SLITRK5: variants seen among roughly 807,000 people sequenced by gnomAD.
SLITRK5 encodes the protein SLIT and NTRK-like protein 5.
SLITRK5 carries 23 observed loss-of-function variants against 56.2 expected under a neutral mutation model. That is an observed-to-expected ratio of 0.41 (90% CI 0.29 to 0.58). The LOEUF (loss-of-function observed/expected upper bound fraction) is 0.58, where lower values mean the gene tolerates loss of function less well. Among genes scored for constraint, SLITRK5 ranks in the 20% least tolerant of loss-of-function variants. SLITRK5 has a pLI of 0.30. For missense variants in SLITRK5, 1,289 were observed against 1,226.6 expected, an observed-to-expected ratio of 1.05 and a Z score of -0.76; for synonymous variants, 637 against 531.8, an observed-to-expected ratio of 1.20 and a Z score of -2.72.
rs1363026378 is a variant in SLITRK5, at chr13:87,677,665, G to T, written c.2277G>T (p.Met759Ile). The T allele has an allele frequency of 6.2e-7, 1 of 1,606,568 alleles. No individual in the cohort carries two copies. The highest frequency in any genetic ancestry group is 1.7e-5 in the Admixed American group (1 of 59,802). ...ACATCCCCCACCCACTGGGCCACAT[G>T]TGCAAAAACCCCATCTACCGCTCCC... ...YEYIPHPLGHMCKNPIYRSRE... is the reference protein window; with the variant it reads ...YEYIPHPLGHICKNPIYRSRE... Residue 759 changes from methionine (M) to isoleucine (I), a missense_variant, in exon 2 of 2, where the codon ATG (methionine) becomes ATT (isoleucine). By Grantham distance (10) the Met-to-Ile change is conservative. Transcript: ENST00000683689. The surrounding 1 kb of genome is among the most constrained non-coding windows in gnomAD (Gnocchi z 4.7).
At chr13:87,674,465 T>C (rs1221793186) in intron 1 of SLITRK5, 1 of 944,694 alleles carries the variant, frequency 1.1e-6, no homozygotes, top group East Asian at 1.2e-4. Context: ...GGTAGGAACG[T>C]CCTTTTTAAA....
In SLITRK5 at chr13:87,676,813, G is replaced by A; in HGVS notation, c.1425G>A (p.Glu475=). 1 of 1,614,086 alleles carries A rather than the reference G, an allele frequency of 6.2e-7. No individual in the cohort carries two copies. The highest frequency in any genetic ancestry group is 8.5e-7 in the Non-Finnish European group (1 of 1,180,054). The change falls in exon 2 of 2, where the codon GAG becomes GAA. Residue 475 remains glutamate, a synonymous_variant. Transcript: ENST00000683689. The part of the protein sequence containing the change: ...NGNRIERLSP[E]LFYGLQSLQY... Reference sequence around the variant, plus strand: ...ACAGGATCGAGAGGCTGAGCCCGGAGTTATTCTATGGCCTGCAGAGCCTGC... The same window carrying A: ...ACAGGATCGAGAGGCTGAGCCCGGAATTATTCTATGGCCTGCAGAGCCTGC...
Position 87,677,132 on chromosome 13 carries a change from A to G in SLITRK5, c.1744A>G (p.Lys582Glu). 6.2e-7 allele frequency: 1 copy of G among 1,614,222 alleles called. No individual in the cohort carries two copies. Among genetic ancestry groups the G allele is most frequent in the Non-Finnish European group, 8.5e-7 (1 of 1,180,040 alleles). Residue 582 changes from lysine to glutamate, a missense_variant, in exon 2 of 2, where the codon AAA (lysine) becomes GAA (glutamate). Physicochemically the swap from Lys to Glu is moderately conservative, Grantham distance 56. Transcript: ENST00000683689. The surrounding 1 kb of genome is among the most constrained non-coding windows in gnomAD (Gnocchi z 4.7). ...VGMKLWVEQLKVGVLVDEVIC... is the reference protein window; with the variant it reads ...VGMKLWVEQLEVGVLVDEVIC... ...CATGAAGCTGTGGGTGGAGCAGCTC[A>G]AAGTGGGCGTCCTAGTGGACGAGGT...
chr13:87,671,811 G>C lies in SLITRK5; in HGVS notation c.-407G>C, dbSNP rs1025070184. The stretch of plus-strand genomic sequence containing the variant: ...TAGGGGCCGCGGCGGCGGCGGGCTC[G>C]GCGCGGAGACAGCGTCGGCGGGATC... On this transcript the variant is annotated 5_prime_UTR_variant, in exon 1 of 2. Coordinates refer to ENST00000683689, the MANE Select transcript of SLITRK5 (RefSeq NM_001384609.1). Among the ~76,000 whole-genome samples, 4 of 151,918 alleles carry C rather than the reference G, an allele frequency of 2.6e-5. No individual in the cohort carries two copies. Among genetic ancestry groups the C allele is most frequent in the Non-Finnish European group, 5.9e-5 (4 of 67,944 alleles).
At chr13:87,675,089 GGGA>G (rs938845172) in intron 1 of SLITRK5, among the ~76,000 whole-genome samples, 2 of 151,442 alleles carry the variant, frequency 1.3e-5, no homozygotes, top group African/African-American at 2.4e-5. Flanking sequence ...TGAAAAGGGG[GGGA>G]GAAGAGAAAA....
rs776493634 is a variant in SLITRK5 at position 87,677,153 on chromosome 13, G to C, written c.1765G>C (p.Glu589Gln). ...GCTCAAAGTGGGCGTCCTAGTGGAC[G>C]AGGTGATCTGTAAGGCGCCCAAAAA... ...EQLKVGVLVD[E>Q]VICKAPKKFA... Residue 589 changes from glutamate (E) to glutamine (Q), a missense_variant, in exon 2 of 2, where the codon GAG becomes CAG. Glu to Gln is a conservative substitution (Grantham distance 29). Around this residue, in one of 3 missense-constraint regions of SLITRK5, gnomAD observed 985 missense variants for 906.0 expected, o/e 1.09. Transcript: ENST00000683689. The surrounding 1 kb of genome is among the most constrained non-coding windows in gnomAD (Gnocchi z 4.7). 1 of 1,614,184 alleles carries C rather than the reference G, an allele frequency of 6.2e-7. No homozygotes were observed. Among genetic ancestry groups the C allele is most frequent in the South Asian group, 1.1e-5 (1 of 91,088 alleles).
chr13:87,673,625 C>A, intron 1 of SLITRK5: 1 of 759,926 alleles, frequency 1.3e-6, no homozygotes, highest in Non-Finnish European at 2.0e-6. Context: ...GCTTTTAAGC[C>A]GGGAGACGTT....
Position 87,675,491 on chromosome 13 carries a change from C to G in SLITRK5, c.103C>G (p.Leu35Val). The change falls in exon 2 of 2, where the codon CTT (leucine) becomes GTT (valine). Residue 35 changes from leucine (L) to valine (V), a missense_variant. This residue lies in a region of SLITRK5 where 291 missense variants were observed against 286.7 expected (regional missense o/e 1.02). Transcript: ENST00000683689. ...TLAFAVTSLVLSCAETIDYYG... is the reference protein window; with the variant it reads ...TLAFAVTSLVVSCAETIDYYG... The stretch of plus-strand genomic sequence containing the variant: ...AGCGTTTGCTGTAACATCTCTCGTC[C>G]TTTCGTGTGCAGAAACCATCGATTA... 6.2e-7 allele frequency: 1 copy of G among 1,614,178 alleles called. No homozygotes were observed. The highest frequency in any genetic ancestry group is 8.5e-7 in the Non-Finnish European group (1 of 1,180,016).
Position 87,677,107 on chromosome 13 carries a change from C to A in SLITRK5, c.1719C>A (p.Gly573=). ...NPWDCTCDIV[G]MKLWVEQLKV... ...GGGATTGTACCTGTGACATTGTGGG[C>A]ATGAAGCTGTGGGTGGAGCAGCTCA... The change falls in exon 2 of 2, where the codon GGC becomes GGA. Residue 573 remains glycine (G), a synonymous_variant. Coordinates refer to ENST00000683689, the MANE Select transcript of SLITRK5 (RefSeq NM_001384609.1). The surrounding 1 kb of genome is among the most constrained non-coding windows in gnomAD (Gnocchi z 4.7). 2 of 1,614,178 alleles carry A rather than the reference C, an allele frequency of 1.2e-6. No individual in the cohort carries two copies. The highest frequency in any genetic ancestry group is 2.2e-5 in the South Asian group (2 of 91,082).
rs2137949735 is a variant in SLITRK5 at position 87,679,025 on chromosome 13, T to C, written c.*760T>C. 1 of 167,050 alleles carries C rather than the reference T, an allele frequency of 6.0e-6. No individual in the cohort carries two copies. Among genetic ancestry groups the C allele is most frequent in the South Asian group, 2.1e-4 (1 of 4,826 alleles). The allele number at this position is 167,050 out of a possible 1,614,324, so 10.3% of individuals were successfully genotyped here. ...TTTATATGCACATTTAGCATTCCTC[T>C]TTCCTTCACTATTTAGCCTATGATT... On this transcript the variant is annotated 3_prime_UTR_variant, in exon 2 of 2. Transcript: ENST00000683689.
rs1258195864 is a variant in SLITRK5 at position 87,671,790 on chromosome 13, G to A, written c.-428G>A. ...AAGAGCCTCTCAAATACTAATTAGG[G>A]GCCGCGGCGGCGGCGGGCTCGGCGC... is the stretch of plus-strand genomic sequence containing the variant. On this transcript the variant is annotated 5_prime_UTR_variant, in exon 1 of 2. Coordinates refer to ENST00000683689, the MANE Select transcript of SLITRK5 (RefSeq NM_001384609.1). Among the ~76,000 whole-genome samples, 1 of 152,146 alleles carries A rather than the reference G, an allele frequency of 6.6e-6. No homozygotes were observed. Among genetic ancestry groups the A allele is most frequent in the African/African-American group, 2.4e-5 (1 of 41,444 alleles).
Position 87,675,754 on chromosome 13 carries a change from C to T in SLITRK5, c.366C>T (p.Thr122=), listed in dbSNP as rs1877245368. 4 of 1,614,040 alleles carry T rather than the reference C, an allele frequency of 2.5e-6. No homozygotes were observed. The South Asian group carries it at 3.3e-5, about 13-fold the overall frequency. Residue 122 remains threonine, a synonymous_variant, in exon 2 of 2, where the codon ACC becomes ACT. Coordinates refer to ENST00000683689, the MANE Select transcript of SLITRK5 (RefSeq NM_001384609.1). ...GCAATGTTATCCAGGACATTGAGAC[C>T]GGGGCTTTCCATGGGCTACGGGGTT... ...LGSNVIQDIE[T]GAFHGLRGLR...
At chr13:87,672,592 C>G (rs1877081627) in intron 1 of SLITRK5, 1 of 151,886 alleles carries the variant, frequency 6.6e-6, no homozygotes, top group African/African-American at 2.4e-5. Context: ...GCGGAGAGCA[C>G]CGGGGAGAGC....
chr13:87,673,605 T>C, intron 1 of SLITRK5: 1 of 984,582 alleles, frequency 1.0e-6, no homozygotes, highest in Non-Finnish European at 1.4e-6. Flanking sequence ...GGGGTGGGGA[T>C]GTTTTTGCCG....
chr13:87,677,586 A>G lies in SLITRK5; in HGVS notation c.2198A>G (p.His733Arg), dbSNP rs756903456. 5 of 1,609,302 alleles carry G rather than the reference A, an allele frequency of 3.1e-6. No homozygotes were observed. The highest frequency in any genetic ancestry group is 4.2e-6 in the Non-Finnish European group (5 of 1,177,094). ...GGCCACCCACACGCGCACGTGCATC[A>G]CCGCGGGCCCGCGCTGCCCAAGGTG... ...TGGHPHAHVH[H>R]RGPALPKVKT... is the part of the protein sequence containing the mutation. The change falls in exon 2 of 2, where the codon CAC becomes CGC. Residue 733 changes from histidine to arginine, a missense_variant. This residue lies in a region of SLITRK5 where 985 missense variants were observed against 906.0 expected (regional missense o/e 1.09). Coordinates refer to ENST00000683689, the MANE Select transcript of SLITRK5 (RefSeq NM_001384609.1). This position sits in a 1 kb window ranked among gnomAD's most constrained non-coding sequence, Gnocchi z 4.7.
rs141224851 is a variant in SLITRK5 at position 87,674,619 on chromosome 13, T to C, written c.-8-762T>C. On this transcript the variant is annotated intron_variant, in intron 1 of 1. Coordinates refer to ENST00000683689, the MANE Select transcript of SLITRK5 (RefSeq NM_001384609.1). ...TCAATGAGAAGTGGTCGCAGGGCGC[T>C]CTCCGGGAAGCGCTGCTAAGTGGTA... Among the ~76,000 whole-genome samples the C allele has an allele frequency of 2.5e-3, 386 of 152,186 alleles. 9 individuals carry two copies. The East Asian group carries it at 0.03, about 12-fold the overall frequency.
Position 87,672,002 on chromosome 13 carries a change from C to G in SLITRK5, c.-216C>G, listed in dbSNP as rs1024955656. Among the ~76,000 whole-genome samples the G allele has an allele frequency of 6.6e-6, 1 of 152,106 alleles. No individual in the cohort carries two copies. Among genetic ancestry groups the G allele is most frequent in the Non-Finnish European group, 1.5e-5 (1 of 68,026 alleles). ...AAGGCGGGAGATGCATGCACACCCC[C>G]GCGACCCGCTCCCTCTGGCTCGTCC... is the stretch of plus-strand genomic sequence containing the variant. On this transcript the variant is annotated 5_prime_UTR_variant, in exon 1 of 2. Coordinates refer to ENST00000683689, the MANE Select transcript of SLITRK5 (RefSeq NM_001384609.1).
In SLITRK5 at chr13:87,676,689, G is replaced by T. The variant is rs988507297; in HGVS notation, c.1301G>T (p.Gly434Val). Residue 434 changes from glycine to valine, a missense_variant, in exon 2 of 2, where the codon GGG becomes GTG. Physicochemically the swap from Gly to Val is moderately radical, Grantham distance 109. Coordinates refer to ENST00000683689, the MANE Select transcript of SLITRK5 (RefSeq NM_001384609.1). ...AGGACAGACTTCCTGGAGGCCACGG[G>T]GCTGGACCTCCTGCACCTGGGGAAT... ...VRRTDFLEATGLDLLHLGNNR... is the reference protein window; with the variant it reads ...VRRTDFLEATVLDLLHLGNNR... The T allele has an allele frequency of 1.9e-6, 3 of 1,614,006 alleles. No homozygotes were observed. Among genetic ancestry groups the T allele is most frequent in the Non-Finnish European group, 2.5e-6 (3 of 1,180,024 alleles).
Position 87,677,119 on chromosome 13 carries a change from G to C in SLITRK5, c.1731G>C (p.Trp577Cys). Residue 577 changes from tryptophan to cysteine, a missense_variant, in exon 2 of 2, where the codon TGG becomes TGC. Coordinates refer to ENST00000683689, the MANE Select transcript of SLITRK5 (RefSeq NM_001384609.1). The surrounding 1 kb of genome is among the most constrained non-coding windows in gnomAD (Gnocchi z 4.7). The part of the protein sequence containing the change: ...CTCDIVGMKL[W>C]VEQLKVGVLV... ...GTGACATTGTGGGCATGAAGCTGTG[G>C]GTGGAGCAGCTCAAAGTGGGCGTCC... 1 of 1,614,184 alleles carries C rather than the reference G, an allele frequency of 6.2e-7. No individual in the cohort carries two copies. The highest frequency in any genetic ancestry group is 8.5e-7 in the Non-Finnish European group (1 of 1,180,046).
Sources: gnomAD v4.1 joint callset for allele counts (sites outside exome capture counted in the v4.1 genomes callset) on GRCh38, gnomAD v4.1.1 for gene constraint, gnomAD v4.1.1 regional missense constraint, Gnocchi (gnomAD v3.1) non-coding constraint, MANE v1.5 for transcripts, NCBI Gene and HGNC (gene_info 2026-07-23, HGNC 2026-07-21) for gene names.